NPAS2: variants seen among roughly 807,000 people sequenced by gnomAD.
The protein encoded by NPAS2 is neuronal PAS domain-containing protein 2.
Under a neutral mutation model 107.5 loss-of-function variants are expected in NPAS2, and 23 were observed. The observed-to-expected ratio is 0.21, with a 90% CI of 0.15 to 0.30. The LOEUF (loss-of-function observed/expected upper bound fraction) is 0.30. Among genes scored for constraint, NPAS2 ranks in the 10% least tolerant of loss-of-function variants. The probability of loss-of-function intolerance (pLI) is 1.00; values close to 1 mark genes in which losing one functional copy is unlikely to be tolerated. For synonymous variants in NPAS2, 403 were observed against 417.5 expected (o/e 0.97, Z 0.42); for missense variants, 756 against 1,043.3 (o/e 0.72, Z 3.79).
intron 4 of NPAS2, 27 bp downstream of exon 4, chr2:100,933,028 A>T: frequency 6.6e-7 from 1 of 1,523,526 alleles, no homozygotes; most frequent in Non-Finnish European, 9.1e-7. Context: ...AAATAGCTTA[A>T]ACAGTTGCCA....
intron 1 of NPAS2, among the ~76,000 whole-genome samples, chr2:100,904,107 T>G (rs2104771118): frequency 6.6e-6 from 1 of 152,272 alleles, no homozygotes; most frequent in Non-Finnish European, 1.5e-5. Flanking sequence ...GGGCTGATTC[T>G]TCCAGGCCAC....
intron 3 of NPAS2, among the ~76,000 whole-genome samples, chr2:100,931,935 C>G (rs1683987946): frequency 6.6e-6 from 1 of 151,968 alleles, no homozygotes; most frequent in Admixed American, 6.6e-5. Flanking sequence ...AATCTTTCTC[C>G]TGGCTTAAAG....
rs1481401221 is a variant in NPAS2 at position 100,932,436 on chromosome 2, A to G, written c.182-474A>G. Among the ~76,000 whole-genome samples the G allele has an allele frequency of 2.6e-5, 4 of 152,250 alleles. No individual in the cohort carries two copies. The East Asian group carries it at 7.7e-4, about 29-fold the overall frequency. On this transcript the variant is annotated intron_variant, in intron 3 of 20. Coordinates refer to ENST00000335681, the MANE Select transcript of NPAS2 (RefSeq NM_002518.4). ...TGCTGAAAAATATGGTACATTCTGT[A>G]TAACACAGTGGGTTATTTTCCACAC... is the stretch of plus-strand genomic sequence containing the variant.
intron 7 of NPAS2, among the ~76,000 whole-genome samples, chr2:100,961,811 G>A (rs1033886640): frequency 9.8e-5 from 15 of 152,304 alleles, no homozygotes; most frequent in Middle Eastern, 3.4e-3. Context: ...CTGAAAGATC[G>A]TTCAAAGATG....
At chr2:100,829,246 G>A (rs1238231188) in intron 1 of NPAS2, among the ~76,000 whole-genome samples, 3 of 150,712 alleles carry the variant, frequency 2.0e-5, no homozygotes, top group Admixed American at 6.6e-5. Flanking sequence ...TTGCAGTGGC[G>A]CAATCTCAGC....
intron 1 of NPAS2, among the ~76,000 whole-genome samples, chr2:100,839,131 ATTGTTGTTG>A (rs528640837): frequency 6.6e-6 from 1 of 151,596 alleles, no homozygotes; most frequent in East Asian, 1.9e-4. Context: ...TTTTGTTGTT[ATTGTTGTTG>A]TTGTTTTTGA....
intron 3 of NPAS2, among the ~76,000 whole-genome samples, chr2:100,930,313 AC>A: frequency 6.6e-6 from 1 of 152,308 alleles, no homozygotes; most frequent in South Asian, 2.1e-4. Flanking sequence ...GGTAATATAT[AC>A]CCAGGACAGC....
chr2:100,958,742 T>C (rs1675728976), intron 7 of NPAS2, among the ~76,000 whole-genome samples: 1 of 152,120 alleles, frequency 6.6e-6, no homozygotes, highest in African/African-American at 2.4e-5. Flanking sequence ...GATAAAAATG[T>C]GTGTGAGATA....
At chr2:100,903,986 GT>G (rs1390953053) in intron 1 of NPAS2, among the ~76,000 whole-genome samples, 1 of 152,164 alleles carries the variant, frequency 6.6e-6, no homozygotes, top group African/African-American at 2.4e-5. Context: ...AGGCTCCGGT[GT>G]TGAGGAAGAA....
At chr2:100,908,287 T>C (rs942488837) in intron 2 of NPAS2, among the ~76,000 whole-genome samples, 1 of 152,088 alleles carries the variant, frequency 6.6e-6, no homozygotes, top group African/African-American at 2.4e-5. Context: ...GCAGTGCTGA[T>C]AGGGAAAGCT....
At chr2:100,880,405 G>A (rs1680256397) in intron 1 of NPAS2, among the ~76,000 whole-genome samples, 1 of 152,182 alleles carries the variant, frequency 6.6e-6, no homozygotes, top group Non-Finnish European at 1.5e-5. Context: ...GATGAATGAA[G>A]AAAATGTGGT....
rs575417232 is a variant in NPAS2, at chr2:100,972,611, T to C, written c.1140+1537T>C. 3 of 152,356 alleles carry C rather than the reference T, an allele frequency of 2.0e-5. No individual in the cohort carries two copies. In the East Asian group the frequency reaches 5.8e-4, roughly 29 times the overall value. 9.4% of individuals were successfully genotyped at this position (152,356 alleles called of 1,614,324 possible). On this transcript the variant is annotated intron_variant, in intron 12 of 20. Transcript: ENST00000335681. ...CCTCCCCGGCTGCTGTGCCATGTGG[T>C]GGTGTGTTCCATGGCAATTCATCAC... is the stretch of plus-strand genomic sequence containing the variant.
chr2:100,908,274 T>C (rs1682298435), intron 2 of NPAS2, among the ~76,000 whole-genome samples: 1 of 152,096 alleles, frequency 6.6e-6, no homozygotes, highest in Non-Finnish European at 1.5e-5. Context: ...CACAGTGCAG[T>C]ATGCAGTGCT....
intron 2 of NPAS2, among the ~76,000 whole-genome samples, chr2:100,918,696 T>A (rs1320246466): frequency 6.6e-6 from 1 of 152,344 alleles, no homozygotes; most frequent in East Asian, 1.9e-4. Flanking sequence ...CCTCTAATAA[T>A]GTACCACCGC....
intron 1 of NPAS2, among the ~76,000 whole-genome samples, chr2:100,902,968 A>T (rs1681881837): frequency 6.6e-6 from 1 of 152,242 alleles, no homozygotes; most frequent in African/African-American, 2.4e-5. Context: ...TAGATTCAGG[A>T]AATGTCTGCG....
At chr2:100,902,915 G>A (rs1681878528) in intron 1 of NPAS2, among the ~76,000 whole-genome samples, 1 of 152,224 alleles carries the variant, frequency 6.6e-6, no homozygotes, top group South Asian at 2.1e-4. Flanking sequence ...AAATGAGAGG[G>A]ATGCTGAAGA....
At chr2:100,975,978 A>T (rs750392164) in intron 14 of NPAS2, among the ~76,000 whole-genome samples, 3 of 152,192 alleles carry the variant, frequency 2.0e-5, no homozygotes, top group Non-Finnish European at 4.4e-5. Flanking sequence ...AGCGTCCCCA[A>T]CATGTGCCAG....
intron 2 of NPAS2, 95 bp from the exon 3 acceptor site, chr2:100,925,051 C>A: frequency 7.6e-7 from 1 of 1,309,642 alleles, no homozygotes; most frequent in Non-Finnish European, 1.1e-6. Context: ...TAGATGATCA[C>A]AATAGAATGT....
chr2:100,858,803 A>G (rs1383072184), intron 1 of NPAS2, among the ~76,000 whole-genome samples: 1 of 152,158 alleles, frequency 6.6e-6, no homozygotes, highest in Non-Finnish European at 1.5e-5. Flanking sequence ...AAGGGTGATC[A>G]TGTTACACGT....
Sources: allele counts gnomAD v4.1 joint callset (sites outside exome capture counted in the v4.1 genomes callset), GRCh38; gene constraint gnomAD v4.1.1; transcripts MANE v1.5; gene names NCBI Gene and HGNC (gene_info 2026-07-23, HGNC 2026-07-21).